EIPR1: variants seen among roughly 807,000 people sequenced by gnomAD.
EIPR1 encodes the protein EARP and GARP complex-interacting protein 1.
EIPR1 carries 25 observed loss-of-function variants against 48.1 expected under a neutral mutation model. That is an observed-to-expected ratio of 0.52 (90% CI 0.38 to 0.73). EIPR1 has a LOEUF of 0.73. Among genes scored for constraint, EIPR1 ranks in the 30% least tolerant of loss-of-function variants. EIPR1 has a pLI of 0.00. For missense variants in EIPR1, 415 were observed against 506.2 expected (o/e 0.82, Z 1.73); for synonymous variants, 204 against 201.9 (o/e 1.01, Z -0.09).
intron 2 of EIPR1, among the ~76,000 whole-genome samples, chr2:3,347,802 A>G (rs962203622): frequency 6.6e-6 from 1 of 152,246 alleles, no homozygotes; most frequent in African/African-American, 2.4e-5. Flanking sequence ...AGACAGTAAG[A>G]AACAGAAATG....
At position 3,315,156 on chromosome 2, in the gene EIPR1, CCTACCATCATCACCACCCCCTA is replaced by C. The variant is rs1472851853; in HGVS notation, c.259+22839_259+22860del. On this transcript the variant is annotated intron_variant, in intron 3 of 8. Transcript: ENST00000382125. Reference sequence around the variant, plus strand: ...CATCATCACTAGCATCGCCCCCATGCCTACCATCATCACCACCCCCTACCACCACCATCACCACCATCCCCAT... The same window carrying C: ...CATCATCACTAGCATCGCCCCCATGCCCACCACCATCACCACCATCCCCAT... Among the ~76,000 whole-genome samples, 56 of 89,888 alleles carry C rather than the reference CCTACCATCATCACCACCCCCTA, an allele frequency of 6.2e-4. 1 individual carries two copies. Among genetic ancestry groups the C allele is most frequent in the African/African-American group, 4.5e-3 (54 of 12,060 alleles). The allele number at this position is 89,888 out of a possible 152,430, so 59.0% of individuals were successfully genotyped here. A position where few individuals can be genotyped will look rare whatever the true frequency, so the allele number is the denominator to read the frequency against.
chr2:3,302,523 C>T (rs1264315717), intron 3 of EIPR1, among the ~76,000 whole-genome samples: 2 of 152,226 alleles, frequency 1.3e-5, no homozygotes, highest in Non-Finnish European at 2.9e-5. Context: ...CTGTTGGCTG[C>T]TTCTCCTTCT....
chr2:3,355,222 C>G (rs145934133), intron 1 of EIPR1, among the ~76,000 whole-genome samples: 15 of 152,304 alleles, frequency 9.8e-5, no homozygotes, highest in Admixed American at 3.3e-4. Flanking sequence ...CTGATGCTGA[C>G]GAGAGCTTTG....
At chr2:3,299,707 T>C (rs1668712779) in intron 3 of EIPR1, among the ~76,000 whole-genome samples, 1 of 151,810 alleles carries the variant, frequency 6.6e-6, no homozygotes, top group Non-Finnish European at 1.5e-5. Flanking sequence ...TTCTTAGGTT[T>C]TGCCAAATCA....
At chr2:3,328,429 A>G (rs1391646470) in intron 3 of EIPR1, among the ~76,000 whole-genome samples, 1 of 148,222 alleles carries the variant, frequency 6.7e-6, no homozygotes, top group South Asian at 2.1e-4. Context: ...ACCACGCTCT[A>G]ATGATCTCAG....
chr2:3,365,966 G>A (rs1346928059), intron 1 of EIPR1, among the ~76,000 whole-genome samples: 1 of 43,008 alleles, frequency 2.3e-5, no homozygotes, highest in African/African-American at 5.2e-5. Context: ...AGGGAGGTGG[G>A]GGGGTCAGCC....
chr2:3,211,918 G>A (rs540462964), intron 5 of EIPR1, among the ~76,000 whole-genome samples: 33 of 152,322 alleles, frequency 2.2e-4, no homozygotes, highest in African/African-American at 7.7e-4. Flanking sequence ...TGGCCCCCAC[G>A]GAACCTTCCA....
intron 8 of EIPR1, among the ~76,000 whole-genome samples, chr2:3,190,556 T>C (rs144774860): frequency 3.0e-4 from 46 of 152,212 alleles, no homozygotes; most frequent in African/African-American, 1.1e-3. Flanking sequence ...GTAGCCCCGA[T>C]CACCTCCTCC....
chr2:3,236,419 G>A (rs1200193972), intron 4 of EIPR1, among the ~76,000 whole-genome samples: 5 of 152,222 alleles, frequency 3.3e-5, no homozygotes. Flanking sequence ...ACAGCCATGA[G>A]AGCTCAGCCC....
In EIPR1 at chr2:3,286,733, G is replaced by A. The variant is rs551655952; in HGVS notation, c.260-29278C>T. 2.0e-5 allele frequency among the ~76,000 whole-genome samples: 3 copies of A among 152,362 alleles called. No homozygotes were observed. The highest frequency in any genetic ancestry group is 2.1e-4 in the South Asian group (1 of 4,830). Reference sequence around the variant, plus strand: ...CAGCCCCTGCGTCCCCACGTGCTGAGTCCATCCTCCCAGCAGCTCCAAGAG... The same window carrying A: ...CAGCCCCTGCGTCCCCACGTGCTGAATCCATCCTCCCAGCAGCTCCAAGAG... On this transcript the variant is annotated intron_variant, in intron 3 of 8. Coordinates refer to ENST00000382125, the MANE Select transcript of EIPR1 (RefSeq NM_003310.5). The surrounding 1 kb of genome is among the most constrained non-coding windows in gnomAD (Gnocchi z 4.2).
At chr2:3,211,380 C>A (rs1309917347) in intron 5 of EIPR1, among the ~76,000 whole-genome samples, 5 of 152,160 alleles carry the variant, frequency 3.3e-5, no homozygotes, top group Non-Finnish European at 2.9e-5. Context: ...AGCCATAGAA[C>A]CCACCGACCG....
chr2:3,199,750 GT>G (rs1402454835), intron 5 of EIPR1, among the ~76,000 whole-genome samples: 15 of 3,608 alleles, frequency 4.2e-3, no homozygotes, highest in South Asian at 7.7e-3. Context: ...ATGGGGAGGG[GT>G]GTGTCCACAT....
chr2:3,244,573 A>G (rs529178318), intron 4 of EIPR1, among the ~76,000 whole-genome samples: 1 of 152,282 alleles, frequency 6.6e-6, no homozygotes, highest in Non-Finnish European at 1.5e-5. Flanking sequence ...TTGGCAAACA[A>G]AATCAGTGCC....
chr2:3,260,133 A>AT (rs1667281387), intron 3 of EIPR1, among the ~76,000 whole-genome samples: 1 of 152,224 alleles, frequency 6.6e-6, no homozygotes, highest in Non-Finnish European at 1.5e-5. Context: ...ATTGGACTTC[A>AT]TTAAAATTTA....
chr2:3,258,621 C>G (rs767123081), intron 3 of EIPR1, among the ~76,000 whole-genome samples: 1 of 152,170 alleles, frequency 6.6e-6, no homozygotes, highest in Non-Finnish European at 1.5e-5. Flanking sequence ...CTTGCGATCT[C>G]AATATCAACT....
intron 4 of EIPR1, among the ~76,000 whole-genome samples, chr2:3,235,713 G>A (rs1297239061): frequency 1.3e-5 from 2 of 152,192 alleles, no homozygotes; most frequent in African/African-American, 4.8e-5. Flanking sequence ...GATTTTAAAG[G>A]CTTATCACAT....
chr2:3,204,635 G>A (rs1665164965), intron 5 of EIPR1, among the ~76,000 whole-genome samples: 1 of 152,224 alleles, frequency 6.6e-6, no homozygotes, highest in African/African-American at 2.4e-5. Flanking sequence ...GTGAACAAAA[G>A]AATACACCTC....
intron 3 of EIPR1, among the ~76,000 whole-genome samples, chr2:3,329,108 C>G (rs13024207): frequency 6.3e-5 from 8 of 127,106 alleles, no homozygotes; most frequent in Middle Eastern, 5.4e-3. Flanking sequence ...CCACCCACCA[C>G]GCTCTAATGA....
At chr2:3,226,933 A>G (rs1197123104) in intron 4 of EIPR1, among the ~76,000 whole-genome samples, 1 of 152,152 alleles carries the variant, frequency 6.6e-6, no homozygotes. Context: ...TCACCTTCCC[A>G]TGATTGTGAG....
Sources: gnomAD v4.1 joint callset for allele counts (sites outside exome capture counted in the v4.1 genomes callset) on GRCh38, gnomAD v4.1.1 for gene constraint, Gnocchi (gnomAD v3.1) non-coding constraint, MANE v1.5 for transcripts, NCBI Gene and HGNC (gene_info 2026-07-23, HGNC 2026-07-21) for gene names.